The following CSMD1 variants were observed in gnomAD, a reference collection of about 807,000 sequenced individuals.
CSMD1 encodes the protein CUB and Sushi multiple domains 1.
Under a neutral mutation model 417.5 loss-of-function variants are expected in CSMD1, and 213 were observed. The observed-to-expected ratio is 0.51, with a 90% CI of 0.46 to 0.57. The LOEUF is 0.57. CSMD1 is among the 20% of genes least tolerant of loss of function. The pLI, the probability that CSMD1 is intolerant of heterozygous loss-of-function variation, is 0.00. For synonymous variants in CSMD1, 2,862 were observed against 1,736.8 expected, an observed-to-expected ratio of 1.65 and a Z score of -16.11; for missense variants, 6,923 against 4,529.7, an observed-to-expected ratio of 1.53 and a Z score of -15.17.
At chr8:3,662,399 G>T (rs77266920) in intron 7 of CSMD1, among the ~76,000 whole-genome samples, 1 of 152,124 alleles carries the variant, frequency 6.6e-6, no homozygotes, top group African/African-American at 2.4e-5. Flanking sequence ...ATATATGAAT[G>T]TCAAGACTCC....
At chr8:4,014,502 G>A (rs1419363217) in intron 4 of CSMD1, among the ~76,000 whole-genome samples, 1 of 152,132 alleles carries the variant, frequency 6.6e-6, no homozygotes, top group Non-Finnish European at 1.5e-5. Context: ...TTTGATGTCT[G>A]TTCCCCCTTA....
At position 4,967,720 on chromosome 8, in the gene CSMD1, G is replaced by A. The variant is rs113805418; in HGVS notation, c.85+26612C>T. Reference sequence around the variant, plus strand: ...ATGTTAATAAGTCTGTGTGTGTGTCGTTCACATAGCATTAGTTCATCAATA... The same window carrying A: ...ATGTTAATAAGTCTGTGTGTGTGTCATTCACATAGCATTAGTTCATCAATA... On this transcript the variant is annotated intron_variant, in intron 1 of 69. Transcript: ENST00000635120. 4.6e-5 allele frequency among the ~76,000 whole-genome samples: 7 copies of A among 152,166 alleles called. No individual in the cohort carries two copies. In the South Asian group the frequency reaches 8.3e-4, roughly 18 times the overall value.
chr8:4,562,536 T>C (rs1364472389), intron 2 of CSMD1, among the ~76,000 whole-genome samples: 1 of 152,242 alleles, frequency 6.6e-6, no homozygotes, highest in East Asian at 1.9e-4. Context: ...ACTTTAGTTA[T>C]TAAATAAGTA....
intron 1 of CSMD1, among the ~76,000 whole-genome samples, chr8:4,974,084 G>A (rs935686526): frequency 7.9e-5 from 12 of 152,084 alleles, no homozygotes; most frequent in Non-Finnish European, 7.4e-5. Context: ...GTAGTGGTGC[G>A]ATCTTGGCTC....
intron 2 of CSMD1, among the ~76,000 whole-genome samples, chr8:4,498,479 A>G (rs1802088430): frequency 6.6e-6 from 1 of 152,194 alleles, no homozygotes; most frequent in African/African-American, 2.4e-5. Flanking sequence ...TTTAGTTCAA[A>G]CTTTTAATTT....
At chr8:3,545,214 G>A (rs1798608355) in intron 10 of CSMD1, among the ~76,000 whole-genome samples, 1 of 152,112 alleles carries the variant, frequency 6.6e-6, no homozygotes, top group South Asian at 2.1e-4. Flanking sequence ...GTTTCCATGT[G>A]TCTGTCTATA....
chr8:4,562,785 G>C (rs1171203968), intron 2 of CSMD1, among the ~76,000 whole-genome samples: 1 of 151,798 alleles, frequency 6.6e-6, no homozygotes, highest in Non-Finnish European at 1.5e-5. Flanking sequence ...TATCCTAAAA[G>C]GTATATCATA....
intron 2 of CSMD1, among the ~76,000 whole-genome samples, chr8:4,561,157 G>A (rs192579595): frequency 2.0e-5 from 3 of 152,232 alleles, no homozygotes; most frequent in Admixed American, 2.0e-4. Flanking sequence ...GGATCATGAG[G>A]TCAGGAGATC....
chr8:3,595,540 T>A (rs1801050155), intron 8 of CSMD1, among the ~76,000 whole-genome samples: 1 of 152,184 alleles, frequency 6.6e-6, no homozygotes, highest in Admixed American at 6.5e-5. Flanking sequence ...GATTTTTAGA[T>A]ACTGTGTGTT....
chr8:4,486,824 A>C (rs1801440685), intron 2 of CSMD1, among the ~76,000 whole-genome samples: 1 of 152,194 alleles, frequency 6.6e-6, no homozygotes, highest in Non-Finnish European at 1.5e-5. Flanking sequence ...TGCCTGCAAA[A>C]GTTCCACTTG....
At chr8:4,040,576 G>C (rs77423470) in intron 3 of CSMD1, among the ~76,000 whole-genome samples, 22,540 of 152,090 alleles carry the variant, frequency 0.15, 2,367 homozygotes, top group East Asian at 0.39. Flanking sequence ...CACAATGGAG[G>C]TTAGTTATAA....
At chr8:4,850,950 C>T (rs897832810) in intron 1 of CSMD1, among the ~76,000 whole-genome samples, 2 of 150,104 alleles carry the variant, frequency 1.3e-5, no homozygotes, top group Admixed American at 6.6e-5. Flanking sequence ...TGTTAATTTC[C>T]TTTTTTTAAT....
intron 1 of CSMD1, among the ~76,000 whole-genome samples, chr8:4,943,984 C>T (rs958195799): frequency 2.6e-5 from 4 of 152,074 alleles, no homozygotes; most frequent in Non-Finnish European, 4.4e-5. Flanking sequence ...ACAAGACATA[C>T]TGGCGGTTGT....
At chr8:3,739,639 C>G (rs1203498274) in intron 6 of CSMD1, among the ~76,000 whole-genome samples, 2 of 152,176 alleles carry the variant, frequency 1.3e-5, no homozygotes, top group Non-Finnish European at 2.9e-5. Flanking sequence ...TGAACATTTA[C>G]AGTTCATAGG....
chr8:3,245,079 A>G (rs1182947924), intron 26 of CSMD1, among the ~76,000 whole-genome samples: 1 of 152,230 alleles, frequency 6.6e-6, no homozygotes, highest in African/African-American at 2.4e-5. Context: ...ACGTGTTAGC[A>G]TTGTGAATTT....
At chr8:4,095,378 AAAAC>A (rs1477277512) in intron 3 of CSMD1, among the ~76,000 whole-genome samples, 5 of 148,436 alleles carry the variant, frequency 3.4e-5, no homozygotes, top group South Asian at 2.1e-4. Flanking sequence ...TGTAGAAACT[AAAAC>A]AAACAAAAAA....
intron 3 of CSMD1, among the ~76,000 whole-genome samples, chr8:4,260,350 T>G (rs1030190623): frequency 3.3e-5 from 5 of 152,222 alleles, no homozygotes; most frequent in Non-Finnish European, 7.3e-5. Context: ...TCCCACTGAG[T>G]TGCTATTGAT....
At chr8:4,422,256 T>G (rs1797289303) in intron 2 of CSMD1, among the ~76,000 whole-genome samples, 1 of 152,072 alleles carries the variant, frequency 6.6e-6, no homozygotes, top group Non-Finnish European at 1.5e-5. Context: ...CCAGAAAGTG[T>G]AAGTGGATAG....
At chr8:2,955,503 C>G in intron 64 of CSMD1, 86 bp downstream of exon 64, 2 of 1,338,238 alleles carry the variant, frequency 1.5e-6, no homozygotes, top group Non-Finnish European at 2.1e-6. Context: ...ACTTATGGGT[C>G]TCACACGTGG....
Sources: gnomAD v4.1 joint callset for allele counts (sites outside exome capture counted in the v4.1 genomes callset) on GRCh38, gnomAD v4.1.1 for gene constraint, MANE v1.5 for transcripts, NCBI Gene and HGNC (gene_info 2026-07-23, HGNC 2026-07-21) for gene names.